Variants in DLEU7 observed in about 807,000 individuals in gnomAD.
The protein encoded by DLEU7 is deleted in lymphocytic leukemia 7, also known as leukemia-associated protein 7.
A neutral mutation model predicts 16.0 loss-of-function variants in DLEU7; 17 were observed. The observed-to-expected ratio is 1.06, with a 90% CI of 0.73 to 1.59. The LOEUF is 1.59. Ranked by LOEUF, DLEU7 falls within the 40% of genes most tolerant of loss-of-function variation. The pLI is 0.00. For missense variants in DLEU7, 308 were observed against 314.9 expected (o/e 0.98, Z 0.17); for synonymous variants, 113 against 139.8 (o/e 0.81, Z 1.35).
At chr13:50,811,088 G>A (rs539287954) in intron 1 of DLEU7, among the ~76,000 whole-genome samples, 8 of 152,260 alleles carry the variant, frequency 5.3e-5, no homozygotes, top group Admixed American at 2.0e-4. Flanking sequence ...GTGTGCATGC[G>A]TGGCAGCTGG....
At chr13:50,827,682 G>A (rs1184819699) in intron 1 of DLEU7, among the ~76,000 whole-genome samples, 1 of 152,048 alleles carries the variant, frequency 6.6e-6, no homozygotes, top group African/African-American at 2.4e-5. Flanking sequence ...GCGAGACCCT[G>A]TCTCAAAGAA....
At chr13:50,831,677 A>G (rs2081576844) in intron 1 of DLEU7, among the ~76,000 whole-genome samples, 1 of 152,196 alleles carries the variant, frequency 6.6e-6, no homozygotes, top group Non-Finnish European at 1.5e-5. Context: ...TCAGCACCAG[A>G]CTGCAAGCTT....
intron 1 of DLEU7, among the ~76,000 whole-genome samples, chr13:50,799,273 C>T (rs1329814419): frequency 6.6e-6 from 1 of 152,128 alleles, no homozygotes; most frequent in African/African-American, 2.4e-5. Context: ...CACTGCAAGC[C>T]CTTCTTCATT....
intron 1 of DLEU7, among the ~76,000 whole-genome samples, chr13:50,829,308 G>A (rs1034134933): frequency 6.6e-6 from 1 of 152,118 alleles, no homozygotes; most frequent in African/African-American, 2.4e-5. Flanking sequence ...TCCACATCAA[G>A]GAAAATTGTC....
intron 1 of DLEU7, among the ~76,000 whole-genome samples, chr13:50,718,126 A>G (rs1216552351): frequency 6.6e-6 from 1 of 152,226 alleles, no homozygotes; most frequent in Non-Finnish European, 1.5e-5. Flanking sequence ...TTGAAATTTA[A>G]GAAGCACTAA....
intron 1 of DLEU7, among the ~76,000 whole-genome samples, chr13:50,801,543 C>T (rs1447501292): frequency 1.3e-5 from 2 of 152,102 alleles, no homozygotes; most frequent in African/African-American, 4.8e-5. Flanking sequence ...ATGGAAATAC[C>T]TAATCCCTTT....
intron 1 of DLEU7, among the ~76,000 whole-genome samples, chr13:50,775,996 T>G (rs1875484103): frequency 6.6e-6 from 1 of 152,242 alleles, no homozygotes; most frequent in East Asian, 1.9e-4. Flanking sequence ...GTTTTTTATT[T>G]CTAGGAAATC....
intron 1 of DLEU7, among the ~76,000 whole-genome samples, chr13:50,728,344 G>A (rs916535760): frequency 2.0e-5 from 3 of 152,228 alleles, no homozygotes; most frequent in Non-Finnish European, 4.4e-5. Context: ...GTGGTCCTAT[G>A]TGATGTTAAT....
intron 1 of DLEU7, among the ~76,000 whole-genome samples, chr13:50,773,679 G>T (rs1267550040): frequency 6.6e-6 from 1 of 152,180 alleles, no homozygotes; most frequent in Non-Finnish European, 1.5e-5. Flanking sequence ...TATATGAAGT[G>T]TCAGTGGGCA....
intron 1 of DLEU7, among the ~76,000 whole-genome samples, chr13:50,835,882 C>G (rs541931789): frequency 6.6e-6 from 1 of 152,326 alleles, no homozygotes; most frequent in East Asian, 1.9e-4. Context: ...AATAAACACT[C>G]TCATCATAAC....
intron 1 of DLEU7, among the ~76,000 whole-genome samples, chr13:50,725,130 G>A (rs1046921894): frequency 3.9e-5 from 6 of 152,056 alleles, no homozygotes; most frequent in Non-Finnish European, 7.4e-5. Flanking sequence ...GTCTCTCCCT[G>A]GTGCCAGCAG....
chr13:50,786,119 A>G (rs1875788258), intron 1 of DLEU7, among the ~76,000 whole-genome samples: 1 of 152,144 alleles, frequency 6.6e-6, no homozygotes, highest in African/African-American at 2.4e-5. Flanking sequence ...TGGTTTTACT[A>G]ATAAGACTTT....
intron 1 of DLEU7, among the ~76,000 whole-genome samples, chr13:50,720,229 A>G (rs1444408494): frequency 1.3e-5 from 2 of 152,188 alleles, no homozygotes; most frequent in Non-Finnish European, 2.9e-5. Flanking sequence ...GCCAAAGCAC[A>G]TCATGTGGCA....
At chr13:50,715,720 G>A (rs1411801943) in intron 1 of DLEU7, among the ~76,000 whole-genome samples, 1 of 152,220 alleles carries the variant, frequency 6.6e-6, no homozygotes, top group Non-Finnish European at 1.5e-5. Flanking sequence ...CCTAGTGGAG[G>A]TGTTTCGGAA....
intron 1 of DLEU7, among the ~76,000 whole-genome samples, chr13:50,831,106 G>GGAGGAGGAGAGGGGA (rs1877250819): frequency 6.7e-6 from 1 of 149,240 alleles, no homozygotes; most frequent in African/African-American, 2.5e-5. Context: ...AGATCAGTAA[G>GGAGGAGGAGAGGGGA]GAGGAGGAGA....
intron 1 of DLEU7, among the ~76,000 whole-genome samples, chr13:50,824,188 C>T (rs1045066078): frequency 1.3e-5 from 2 of 152,080 alleles, no homozygotes; most frequent in African/African-American, 4.8e-5. Flanking sequence ...AAGAAATCCC[C>T]AAATGCCAAT....
chr13:50,776,695 G>A (rs917351066), intron 1 of DLEU7, among the ~76,000 whole-genome samples: 12 of 152,036 alleles, frequency 7.9e-5, no homozygotes, highest in Non-Finnish European at 1.8e-4. Context: ...CCACTTCAGG[G>A]CTTTATCTCA....
Position 50,788,046 on chromosome 13 carries a change from T to C in DLEU7, c.459+55142A>G, listed in dbSNP as rs184449463. 1.6e-3 allele frequency among the ~76,000 whole-genome samples: 237 copies of C among 152,286 alleles called. 1 individual carries two copies. Among genetic ancestry groups the C allele is most frequent in the Admixed American group, 3.5e-3 (54 of 15,300 alleles). On this transcript the variant is annotated intron_variant, in intron 1 of 1. Coordinates refer to the DLEU7 transcript ENST00000400393. ...CACAGCAGGCGTTTCCCCAGCACCATAGGATTCTCCCACAGTTAGATAATC... is the reference window on the plus strand; with the variant it reads ...CACAGCAGGCGTTTCCCCAGCACCACAGGATTCTCCCACAGTTAGATAATC...
chr13:50,824,405 T>A (rs759596542), intron 1 of DLEU7, among the ~76,000 whole-genome samples: 4 of 152,222 alleles, frequency 2.6e-5, no homozygotes, highest in Non-Finnish European at 5.9e-5. Flanking sequence ...AAACTATAAC[T>A]TAGTTTTCCT....
Sources: gnomAD v4.1 joint callset for allele counts (sites outside exome capture counted in the v4.1 genomes callset) on GRCh38, gnomAD v4.1.1 for gene constraint, MANE v1.5 for transcripts, NCBI Gene and HGNC (gene_info 2026-07-23, HGNC 2026-07-21) for gene names.